PRDM15: variants seen among roughly 807,000 people sequenced by gnomAD.
PRDM15 encodes the protein PR/SET domain 15, also known as PR domain zinc finger protein 15.
A neutral mutation model predicts 128.6 loss-of-function variants in PRDM15; 64 were observed. The ratio of observed to expected loss-of-function variants is 0.50; its 90% confidence interval spans 0.41 to 0.61. PRDM15 has a LOEUF of 0.61. PRDM15 is among the 20% of genes least tolerant of loss of function. The probability of loss-of-function intolerance (pLI) is 0.00; values close to 1 mark genes in which losing one functional copy is unlikely to be tolerated. For synonymous variants in PRDM15, 615 were observed against 621.8 expected (o/e 0.99, Z 0.16); for missense variants, 1,242 against 1,569.1 (o/e 0.79, Z 3.52).
chr21:41,864,569 C>A (rs1287031852), intron 1 of PRDM15, among the ~76,000 whole-genome samples: 2 of 152,022 alleles, frequency 1.3e-5, no homozygotes, highest in Admixed American at 6.6e-5. Context: ...AGACCTGGAA[C>A]CGCTGTGACC....
chr21:41,843,885 G>T (rs2063147835), intron 6 of PRDM15, among the ~76,000 whole-genome samples: 1 of 151,302 alleles, frequency 6.6e-6, no homozygotes, highest in Non-Finnish European at 1.5e-5. Flanking sequence ...TGAGTTTGAG[G>T]CTGCAATGAG....
Position 41,860,388 on chromosome 21 carries a change from A to G in PRDM15, c.-9-16T>C, listed in dbSNP as rs1307326050. Reference sequence around the variant, plus strand: ...TCTCTGACACCTGTCAGGATACAAGAGAGCCTCATTAATGACAAGCTCTTA... The same window carrying G: ...TCTCTGACACCTGTCAGGATACAAGGGAGCCTCATTAATGACAAGCTCTTA... On this transcript the variant is annotated splice_polypyrimidine_tract_variant and intron_variant, in intron 1 of 23. Coordinates refer to ENST00000398548, the MANE Select transcript of PRDM15 (RefSeq NM_001040424.3). 5 of 1,611,498 alleles carry G rather than the reference A, an allele frequency of 3.1e-6. No individual in the cohort carries two copies. Among genetic ancestry groups the G allele is most frequent in the African/African-American group, 1.3e-5 (1 of 74,838 alleles).
chr21:41,843,453 T>C (rs754967472), intron 6 of PRDM15, among the ~76,000 whole-genome samples: 5 of 152,144 alleles, frequency 3.3e-5, no homozygotes, highest in Admixed American at 2.6e-4. Context: ...GATCCTCTAT[T>C]GTATCCTACA....
chr21:41,840,712 C>T lies in PRDM15; in HGVS notation c.641-859G>A, dbSNP rs146680516. On this transcript the variant is annotated intron_variant, in intron 6 of 23. Coordinates refer to ENST00000398548, the MANE Select transcript of PRDM15 (RefSeq NM_001040424.3). ...ACACAAACTCAAGAAGAATGGAATTCCTAGATAATAACACAAGCTGAGAGG... is the reference window on the plus strand; with the variant it reads ...ACACAAACTCAAGAAGAATGGAATTTCTAGATAATAACACAAGCTGAGAGG... 8.9e-3 allele frequency among the ~76,000 whole-genome samples: 1,347 copies of T among 151,462 alleles called. 14 individuals are homozygous for T. The highest frequency in any genetic ancestry group is 0.014 in the Middle Eastern group (4 of 294).
intron 13 of PRDM15, among the ~76,000 whole-genome samples, chr21:41,825,186 G>A (rs769069342): frequency 3.0e-4 from 45 of 152,382 alleles, no homozygotes; most frequent in Non-Finnish European, 2.5e-4. Flanking sequence ...AGTCACCTGA[G>A]TGAAAGCTAA....
intron 2 of PRDM15, 83 bp downstream of exon 2, chr21:41,860,244 C>A: frequency 1.9e-6 from 2 of 1,050,960 alleles, no homozygotes; most frequent in Admixed American, 4.1e-5. Context: ...CGTGGCTTTG[C>A]CCAGACAGCA....
At position 41,879,030 on chromosome 21, in the gene PRDM15, G is replaced by A. The variant is rs367892888; in HGVS notation, c.-10+240C>T. 857 of 1,094,864 alleles carry A rather than the reference G, an allele frequency of 7.8e-4. 8 individuals carry two copies. In the African/African-American group the frequency reaches 0.013, roughly 16 times the overall value. 67.8% of individuals were successfully genotyped at this position (1,094,864 alleles called of 1,614,324 possible). ...GGGCGGCGCGCAGGGCGATCCCGGA[G>A]CGGCTCCGGGAAATCCAGCCGGGTT... is the stretch of plus-strand genomic sequence containing the variant. On this transcript the variant is annotated intron_variant, in intron 1 of 23. Transcript: ENST00000398548. The surrounding 1 kb of genome is among the most constrained non-coding windows in gnomAD (Gnocchi z 5.1).
At position 41,821,900 on chromosome 21, in the gene PRDM15, T is replaced by C; in HGVS notation, c.1896+3A>G. 6.2e-7 allele frequency: 1 copy of C among 1,614,044 alleles called. No individual in the cohort carries two copies. Among genetic ancestry groups the C allele is most frequent in the Non-Finnish European group, 8.5e-7 (1 of 1,180,030 alleles). The stretch of plus-strand genomic sequence containing the variant: ...CAGGCACCGCGGGGCAAACCCGCCA[T>C]ACCTGGCACCGCTTGCAGCTGTACT... On this transcript the variant is annotated splice_donor_region_variant and intron_variant, in intron 15 of 23. Transcript: ENST00000398548. The surrounding 1 kb of genome is among the most constrained non-coding windows in gnomAD (Gnocchi z 5.4).
chr21:41,849,130 G>C (rs2063351490), intron 5 of PRDM15, among the ~76,000 whole-genome samples: 1 of 152,188 alleles, frequency 6.6e-6, no homozygotes, highest in African/African-American at 2.4e-5. Context: ...AAACAAAAAA[G>C]GAACAGCAAA....
At chr21:41,877,477 A>G (rs1244152383) in intron 1 of PRDM15, 1 of 152,238 alleles carries the variant, frequency 6.6e-6, no homozygotes, top group Non-Finnish European at 1.5e-5. Flanking sequence ...GAGCAGGGCC[A>G]TCCACACTTT....
chr21:41,822,362 T>C (rs2062308215), intron 14 of PRDM15, among the ~76,000 whole-genome samples: 1 of 152,254 alleles, frequency 6.6e-6, no homozygotes. Context: ...CCTGTTACTT[T>C]TTCAGTTCTT....
intron 5 of PRDM15, 84 bp from the exon 6 acceptor site, chr21:41,847,275 G>A (rs2063296364): frequency 3.1e-6 from 3 of 961,634 alleles, no homozygotes; most frequent in Non-Finnish European, 3.1e-6. Flanking sequence ...GAGGAGGGGT[G>A]TGTGCTGAGA....
chr21:41,839,610 AC>A lies in PRDM15; in HGVS notation c.871+12del, dbSNP rs1267475006. ...CCCCACGCAGGCACTCATCCCCGGG[AC>A]CCGCTCATCACCTGTGGGTTCCTTG... is the stretch of plus-strand genomic sequence containing the variant. On this transcript the variant is annotated intron_variant, in intron 7 of 23. Transcript: ENST00000398548. The A allele has an allele frequency of 6.2e-7, 1 of 1,610,490 alleles. No individual in the cohort carries two copies. Among genetic ancestry groups the A allele is most frequent in the East Asian group, 2.2e-5 (1 of 44,766 alleles).
rs1400439966 is a variant in PRDM15 at position 41,879,017 on chromosome 21, G to A, written c.-10+253C>T. The A allele has an allele frequency of 9.4e-7, 1 of 1,064,206 alleles. No individual in the cohort carries two copies. The allele number at this position is 1,064,206 out of a possible 1,614,324, so 65.9% of individuals were successfully genotyped here. A position where few individuals can be genotyped will look rare whatever the true frequency, so the allele number is the denominator to read the frequency against. ...GGACCCGGCGGGCGGGCGGCGCGCA[G>A]GGCGATCCCGGAGCGGCTCCGGGAA... On this transcript the variant is annotated intron_variant, in intron 1 of 23. Coordinates refer to ENST00000398548, the MANE Select transcript of PRDM15 (RefSeq NM_001040424.3). The surrounding 1 kb of genome is among the most constrained non-coding windows in gnomAD (Gnocchi z 5.1).
Position 41,839,676 on chromosome 21 carries a change from T to G in PRDM15, c.818A>C (p.Lys273Thr). ...KKKPRRGRKP[K>T]VSKAEQPLVI... The stretch of plus-strand genomic sequence containing the variant: ...TAGAGGCTGCTCAGCTTTGGACACT[T>G]TGGGTTTTCTCCCCCTTCGAGGCTT... The change falls in exon 7 of 24, where the codon AAA becomes ACA. Residue 273 changes from lysine (K) to threonine (T), a missense_variant. By Grantham distance (78) the Lys-to-Thr change is moderately conservative. This residue lies in a region of PRDM15 where 612 missense variants were observed against 717.0 expected (regional missense o/e 0.85). Coordinates refer to ENST00000398548, the MANE Select transcript of PRDM15 (RefSeq NM_001040424.3). 6.2e-7 allele frequency: 1 copy of G among 1,614,244 alleles called. No homozygotes were observed. Among genetic ancestry groups the G allele is most frequent in the South Asian group, 1.1e-5 (1 of 91,084 alleles).
chr21:41,843,289 T>C (rs1190279456), intron 6 of PRDM15, among the ~76,000 whole-genome samples: 2 of 152,202 alleles, frequency 1.3e-5, no homozygotes, highest in African/African-American at 4.8e-5. Context: ...CAGTTAATGC[T>C]CGATTTCTTT....
Position 41,854,735 on chromosome 21 carries a change from C to T in PRDM15, c.369G>A (p.Ala123=), listed in dbSNP as rs116907174. 0.016 allele frequency: 26,512 copies of T among 1,613,208 alleles called. 256 individuals carry two copies. Among genetic ancestry groups the T allele is most frequent in the Non-Finnish European group, 0.02 (23,606 of 1,179,840 alleles). The change falls in exon 5 of 24, where the codon GCG becomes GCA. Residue 123 remains alanine, a synonymous_variant. Transcript: ENST00000398548. The surrounding 1 kb of genome is among the most constrained non-coding windows in gnomAD (Gnocchi z 4.6). ...DCNWMMLVRP[A]AEAEHQNLTA... ...TCAGGTTCTGGTGCTCGGCCTCCGCCGCTGGCCGCACCAGCATCATCCAGT... is the reference window on the plus strand; with the variant it reads ...TCAGGTTCTGGTGCTCGGCCTCCGCTGCTGGCCGCACCAGCATCATCCAGT...
chr21:41,819,459 G>GGCCCCC (rs1244336497), intron 18 of PRDM15, 123 bp downstream of exon 18: 12 of 312,206 alleles, frequency 3.8e-5, no homozygotes, highest in East Asian at 1.9e-4. Context: ...CCGTGGCCCC[G>GGCCCCC]GCCCCCGCCC....
chr21:41,877,117 G>A (rs570282872), intron 1 of PRDM15, among the ~76,000 whole-genome samples: 8 of 152,088 alleles, frequency 5.3e-5, no homozygotes, highest in African/African-American at 1.7e-4. Context: ...AGGCACCACC[G>A]CACCCACCTC....
Sources: gnomAD v4.1 joint callset for allele counts (sites outside exome capture counted in the v4.1 genomes callset) on GRCh38, gnomAD v4.1.1 for gene constraint, gnomAD v4.1.1 regional missense constraint, Gnocchi (gnomAD v3.1) non-coding constraint, MANE v1.5 for transcripts, NCBI Gene and HGNC (gene_info 2026-07-23, HGNC 2026-07-21) for gene names.